ACER3: variants seen among roughly 807,000 people sequenced by gnomAD.
ACER3 encodes alkCDase 3.
ACER3 carries 16 observed loss-of-function variants against 48.9 expected under a neutral mutation model. The observed-to-expected ratio is 0.33, with a 90% CI of 0.22 to 0.50. ACER3 has a LOEUF of 0.50. Ranked by LOEUF, ACER3 falls within the 20% of genes least tolerant of loss-of-function variation. The pLI is 0.98. For synonymous variants in ACER3, 109 were observed against 107.8 expected (o/e 1.01, Z -0.07); for missense variants, 227 against 326.0 (o/e 0.70, Z 2.34).
chr11:76,922,382 A>G (rs1946708205), intron 1 of ACER3, among the ~76,000 whole-genome samples: 1 of 152,174 alleles, frequency 6.6e-6, no homozygotes, highest in Non-Finnish European at 1.5e-5. Context: ...AGTCATCAGT[A>G]AAGATTTTCA....
At position 76,998,895 on chromosome 11, in the gene ACER3, C is replaced by G. The variant is rs1384019751; in HGVS notation, c.497+74C>G. The G allele has an allele frequency of 5.2e-6, 6 of 1,152,898 alleles. No individual in the cohort carries two copies. The African/African-American group carries it at 8.1e-5, about 16-fold the overall frequency. The allele number at this position is 1,152,898 out of a possible 1,614,324, so 71.4% of individuals were successfully genotyped here. ...ATAACAGTAAATCTATAGCCTAAAT[C>G]AAAATAACACATAAAAGCTCACTTC... On this transcript the variant is annotated intron_variant, in intron 7 of 10. Transcript: ENST00000532485.
At chr11:76,899,284 C>T (rs182341078) in intron 1 of ACER3, among the ~76,000 whole-genome samples, 132 of 152,178 alleles carry the variant, frequency 8.7e-4, no homozygotes, top group Admixed American at 2.2e-3. Flanking sequence ...ATGACAAATG[C>T]CCTGCATATT....
At position 77,023,445 on chromosome 11, in the gene ACER3, A is replaced by G; in HGVS notation, c.*3118A>G. ...ATACCAGCCAATTCTGAATTAGCCA[A>G]TGCCCTAAAAGCATCTAACAATTTA... is the stretch of plus-strand genomic sequence containing the variant. On this transcript the variant is annotated 3_prime_UTR_variant, in exon 11 of 11. Transcript: ENST00000532485. The G allele has an allele frequency of 3.0e-6, 1 of 335,546 alleles. No homozygotes were observed. Among genetic ancestry groups the G allele is most frequent in the East Asian group, 4.1e-5 (1 of 24,242 alleles). 20.8% of individuals were successfully genotyped at this position (335,546 alleles called of 1,614,324 possible). A position where few individuals can be genotyped will look rare whatever the true frequency, so the allele number is the denominator to read the frequency against.
chr11:76,960,389 C>G (rs1487744541), intron 3 of ACER3, among the ~76,000 whole-genome samples: 1 of 151,780 alleles, frequency 6.6e-6, no homozygotes, highest in African/African-American at 2.4e-5. Context: ...AGCCTGGCGA[C>G]AGAGCAAGAC....
At chr11:76,903,577 C>A (rs1198362590) in intron 1 of ACER3, among the ~76,000 whole-genome samples, 3 of 151,738 alleles carry the variant, frequency 2.0e-5, no homozygotes, top group East Asian at 3.9e-4. Flanking sequence ...ATAACTCCTC[C>A]CATTGGAGTT....
At chr11:76,927,609 C>A (rs571076805) in intron 2 of ACER3, among the ~76,000 whole-genome samples, 2 of 152,188 alleles carry the variant, frequency 1.3e-5, no homozygotes, top group East Asian at 1.9e-4. Context: ...TCCCTCCCCC[C>A]TTCCCCCACC....
intron 3 of ACER3, among the ~76,000 whole-genome samples, chr11:76,965,060 G>GA (rs989626006): frequency 6.0e-5 from 9 of 150,768 alleles, no homozygotes; most frequent in African/African-American, 2.0e-4. Context: ...TAAAAACCTT[G>GA]AAAAAAAATA....
At chr11:76,929,211 C>A (rs1404878002) in intron 2 of ACER3, among the ~76,000 whole-genome samples, 2 of 152,030 alleles carry the variant, frequency 1.3e-5, no homozygotes, top group Non-Finnish European at 2.9e-5. Context: ...GTATTTTATT[C>A]TCTTTGAAGC....
At chr11:76,889,885 C>T (rs544085394) in intron 1 of ACER3, among the ~76,000 whole-genome samples, 2 of 148,008 alleles carry the variant, frequency 1.4e-5, no homozygotes, top group South Asian at 4.4e-4. Flanking sequence ...GTTATTTTTT[C>T]TTTCTTGGTT....
intron 1 of ACER3, among the ~76,000 whole-genome samples, chr11:76,896,889 G>T (rs1945943922): frequency 6.6e-6 from 1 of 152,044 alleles, no homozygotes; most frequent in African/African-American, 2.4e-5. Context: ...AGAAAATTAG[G>T]CTTTACACAG....
Position 77,021,368 on chromosome 11 carries a change from G to A in ACER3, c.*1041G>A, listed in dbSNP as rs895522141. ...CCTTAATTTTCTGAAGGAAATAGATGTAAGTTTCTGCTACTTGAAACCTAC... is the reference window on the plus strand; with the variant it reads ...CCTTAATTTTCTGAAGGAAATAGATATAAGTTTCTGCTACTTGAAACCTAC... On this transcript the variant is annotated 3_prime_UTR_variant, in exon 11 of 11. Coordinates refer to ENST00000532485, the MANE Select transcript of ACER3 (RefSeq NM_018367.7). 6 of 152,170 alleles carry A rather than the reference G, an allele frequency of 3.9e-5. No homozygotes were observed. The highest frequency in any genetic ancestry group is 6.5e-5 in the Admixed American group (1 of 15,274). The allele number at this position is 152,170 out of a possible 1,614,324, so 9.4% of individuals were successfully genotyped here. A position where few individuals can be genotyped will look rare whatever the true frequency, so the allele number is the denominator to read the frequency against.
intron 2 of ACER3, among the ~76,000 whole-genome samples, chr11:76,954,740 A>G (rs1246412403): frequency 6.6e-6 from 1 of 151,964 alleles, no homozygotes; most frequent in Non-Finnish European, 1.5e-5. Context: ...AGCTGTGACT[A>G]CAGGACTATG....
In ACER3 at chr11:77,016,677, A is replaced by C; in HGVS notation, c.602A>C (p.Asn201Thr). The change falls in exon 9 of 11, where the codon AAC becomes ACC. Residue 201 changes from asparagine to threonine, a missense_variant and splice_region_variant. Coordinates refer to ENST00000532485, the MANE Select transcript of ACER3 (RefSeq NM_018367.7). ...ATTTTCTCCCTCTCTCCACACAGGA[A>C]CTTTCGAAAGAAGGTACCACCTATC... ...IDNIFCESLR[N>T]FRKKVPPIIG... 2 of 1,544,798 alleles carry C rather than the reference A, an allele frequency of 1.3e-6. No homozygotes were observed. Among genetic ancestry groups the C allele is most frequent in the Non-Finnish European group, 1.8e-6 (2 of 1,134,062 alleles).
At chr11:76,999,331 G>A (rs1159897907) in intron 7 of ACER3, among the ~76,000 whole-genome samples, 2 of 151,472 alleles carry the variant, frequency 1.3e-5, no homozygotes, top group African/African-American at 2.4e-5. Context: ...AATAGGGCCT[G>A]GCCACACAAC....
chr11:76,981,595 GA>G (rs1948586726), intron 4 of ACER3, among the ~76,000 whole-genome samples: 1 of 152,168 alleles, frequency 6.6e-6, no homozygotes, highest in African/African-American at 2.4e-5. Context: ...TATAATTATA[GA>G]TTAGTTTGTC....
At chr11:76,868,000 C>A in intron 1 of ACER3, 1 of 793,728 alleles carries the variant, frequency 1.3e-6, no homozygotes, top group Non-Finnish European at 1.7e-6. Context: ...TTTTTCCTTG[C>A]TGCTGCAGCA....
chr11:76,986,776 G>A (rs1948693677), intron 5 of ACER3, among the ~76,000 whole-genome samples: 1 of 152,150 alleles, frequency 6.6e-6, no homozygotes, highest in African/African-American at 2.4e-5. Context: ...TCGAAGAAGT[G>A]TGGAGCAGTT....
intron 2 of ACER3, among the ~76,000 whole-genome samples, chr11:76,952,190 G>T (rs1351117344): frequency 6.6e-6 from 1 of 150,616 alleles, no homozygotes; most frequent in Non-Finnish European, 1.5e-5. Flanking sequence ...AAATTAGCCA[G>T]ATGATAAAAA....
intron 1 of ACER3, among the ~76,000 whole-genome samples, chr11:76,875,846 C>A (rs369369353): frequency 6.7e-6 from 1 of 148,874 alleles, no homozygotes; most frequent in Admixed American, 6.7e-5. Flanking sequence ...AACGATTCTC[C>A]TGCCTCAGCT....
Sources: allele counts gnomAD v4.1 joint callset (sites outside exome capture counted in the v4.1 genomes callset), GRCh38; gene constraint gnomAD v4.1.1; transcripts MANE v1.5; gene names NCBI Gene and HGNC (gene_info 2026-07-23, HGNC 2026-07-21).